The following VWC2 variants were observed in gnomAD, a reference collection of about 807,000 sequenced individuals.
The protein encoded by VWC2 is von Willebrand factor C domain containing 2.
In VWC2, 14 loss-of-function variants were observed where a neutral mutation model predicts 29.8. That is an observed-to-expected ratio of 0.47 (90% CI 0.31 to 0.74). The LOEUF is 0.74. Among genes scored for constraint, VWC2 ranks in the 30% least tolerant of loss-of-function variants. The pLI is 0.05. For missense variants in VWC2, 457 were observed against 459.8 expected (o/e 0.99, Z 0.05); for synonymous variants, 213 against 199.0 (o/e 1.07, Z -0.59).
rs118053187 is a variant in VWC2, at chr7:49,839,136, A to G, written c.826+36296A>G. On this transcript the variant is annotated intron_variant, in intron 3 of 3. Coordinates refer to ENST00000340652, the MANE Select transcript of VWC2 (RefSeq NM_198570.5). ...GCAGCTGTCTGTAAGCCAGGACAAG[A>G]GCCCGCACCAGACAAGAACCCACCT... Among the ~76,000 whole-genome samples, 7 of 152,284 alleles carry G rather than the reference A, an allele frequency of 4.6e-5. No individual in the cohort carries two copies. In the East Asian group the frequency reaches 1.4e-3, roughly 29 times the overall value.
chr7:49,789,030 G>A (rs1472162481), intron 2 of VWC2, among the ~76,000 whole-genome samples: 3 of 148,306 alleles, frequency 2.0e-5, no homozygotes, highest in Non-Finnish European at 4.4e-5. Context: ...GTGTGAGCGT[G>A]TGGGTGCATG....
intron 3 of VWC2, among the ~76,000 whole-genome samples, chr7:49,893,959 C>G (rs762758705): frequency 1.1e-4 from 16 of 152,200 alleles, no homozygotes; most frequent in Middle Eastern, 3.4e-3. Flanking sequence ...GATGCTGGAC[C>G]CTGCTGGGCT....
At chr7:49,855,921 T>C (rs934727095) in intron 3 of VWC2, among the ~76,000 whole-genome samples, 20 of 152,196 alleles carry the variant, frequency 1.3e-4, no homozygotes, top group African/African-American at 4.6e-4. Context: ...AAAACTGATG[T>C]TTCTTTCAGA....
intron 3 of VWC2, among the ~76,000 whole-genome samples, chr7:49,851,010 G>T (rs1037094597): frequency 2.0e-5 from 3 of 152,156 alleles, no homozygotes; most frequent in African/African-American, 7.2e-5. Context: ...TTACTCGTCC[G>T]CAATTCTGCA....
intron 2 of VWC2, among the ~76,000 whole-genome samples, chr7:49,788,744 G>C (rs1262664407): frequency 1.3e-5 from 2 of 149,260 alleles, no homozygotes; most frequent in Non-Finnish European, 3.0e-5. Flanking sequence ...GGATGTGTGT[G>C]TGGATGTGGG....
chr7:49,845,841 C>A (rs1554334391), intron 3 of VWC2, among the ~76,000 whole-genome samples: 1 of 152,160 alleles, frequency 6.6e-6, no homozygotes, highest in Non-Finnish European at 1.5e-5. Flanking sequence ...AACAGCAATG[C>A]AGGAAGGAAG....
In VWC2 at chr7:49,877,481, A is replaced by AAAAATATACATAT; in HGVS notation, c.827-34552_827-34551insAAATATACATATA. ...CTGTCTCAAAAAAAAAAAAAAAAAA[A>AAAAATATACATAT]ATATATATATATATATATATATATA... On this transcript the variant is annotated intron_variant, in intron 3 of 3. Coordinates refer to ENST00000340652, the MANE Select transcript of VWC2 (RefSeq NM_198570.5). Among the ~76,000 whole-genome samples, 88 of 12,728 alleles carry AAAAATATACATAT rather than the reference A, an allele frequency of 6.9e-3. 18 individuals carry two copies. The highest frequency in any genetic ancestry group is 9.8e-3 in the Admixed American group (7 of 714). The allele number at this position is 12,728 out of a possible 152,430, so 8.4% of individuals were successfully genotyped here. A position where few individuals can be genotyped will look rare whatever the true frequency, so the allele number is the denominator to read the frequency against.
intron 3 of VWC2, among the ~76,000 whole-genome samples, chr7:49,807,172 C>T (rs1788898591): frequency 6.6e-6 from 1 of 152,150 alleles, no homozygotes; most frequent in East Asian, 1.9e-4. Context: ...AGGGATATAT[C>T]ATGTTCATGA....
At chr7:49,909,073 C>T (rs1194479835) in intron 3 of VWC2, among the ~76,000 whole-genome samples, 1 of 151,950 alleles carries the variant, frequency 6.6e-6, no homozygotes, top group African/African-American at 2.4e-5. Flanking sequence ...CTCATGAGGC[C>T]CTGTGAGGTC....
chr7:49,818,729 T>C (rs533396777), intron 3 of VWC2, among the ~76,000 whole-genome samples: 2 of 150,914 alleles, frequency 1.3e-5, no homozygotes, highest in Non-Finnish European at 3.0e-5. Context: ...TAAAAATATA[T>C]ATATATGTAT....
Position 49,913,978 on chromosome 7 carries a change from T to G in VWC2, c.*1793T>G, listed in dbSNP as rs1425969306. 6.6e-6 allele frequency: 1 copy of G among 152,172 alleles called. No homozygotes were observed. The highest frequency in any genetic ancestry group is 1.5e-5 in the Non-Finnish European group (1 of 68,026). The allele number at this position is 152,172 out of a possible 1,614,324, so 9.4% of individuals were successfully genotyped here. A position where few individuals can be genotyped will look rare whatever the true frequency, so the allele number is the denominator to read the frequency against. On this transcript the variant is annotated 3_prime_UTR_variant, in exon 4 of 4. Coordinates refer to ENST00000340652, the MANE Select transcript of VWC2 (RefSeq NM_198570.5). ...CCAAAGGAACTACCAGTACATAGAT[T>G]TCATGAAAATACTCAGGGGAATTAT... is the stretch of plus-strand genomic sequence containing the variant.
chr7:49,785,726 A>C (rs1020696924), intron 2 of VWC2, among the ~76,000 whole-genome samples: 13 of 152,198 alleles, frequency 8.5e-5, no homozygotes, highest in African/African-American at 3.1e-4. Context: ...AATATTTTTA[A>C]ATAAGAGAGA....
At chr7:49,821,863 C>G (rs1789268087) in intron 3 of VWC2, among the ~76,000 whole-genome samples, 1 of 152,010 alleles carries the variant, frequency 6.6e-6, no homozygotes, top group African/African-American at 2.4e-5. Context: ...AGTACAAGTC[C>G]CCTTGAATTT....
chr7:49,830,972 T>C (rs915464645), intron 3 of VWC2, among the ~76,000 whole-genome samples: 1 of 152,222 alleles, frequency 6.6e-6, no homozygotes, highest in Non-Finnish European at 1.5e-5. Flanking sequence ...AGTGCCGCAC[T>C]ATTTCTTTCT....
chr7:49,875,851 T>C (rs1791393307), intron 3 of VWC2, among the ~76,000 whole-genome samples: 1 of 152,176 alleles, frequency 6.6e-6, no homozygotes, highest in African/African-American at 2.4e-5. Context: ...GCAGGCTCCA[T>C]GAGCAAGAGA....
intron 3 of VWC2, among the ~76,000 whole-genome samples, chr7:49,868,903 G>A (rs1486387644): frequency 6.6e-6 from 1 of 152,254 alleles, no homozygotes; most frequent in East Asian, 1.9e-4. Context: ...ACGGGCATGA[G>A]CCACTGCACC....
At chr7:49,790,211 A>G (rs940391433) in intron 2 of VWC2, among the ~76,000 whole-genome samples, 3 of 152,234 alleles carry the variant, frequency 2.0e-5, no homozygotes, top group South Asian at 4.1e-4. Context: ...GAGAGGATTT[A>G]AAAGATGTTA....
intron 3 of VWC2, among the ~76,000 whole-genome samples, chr7:49,836,336 A>G (rs1308530014): frequency 1.3e-5 from 2 of 152,014 alleles, no homozygotes; most frequent in African/African-American, 4.8e-5. Context: ...TAAAATCTAT[A>G]CTTAAGTGTG....
At chr7:49,847,856 G>C (rs1790007718) in intron 3 of VWC2, among the ~76,000 whole-genome samples, 1 of 152,142 alleles carries the variant, frequency 6.6e-6, no homozygotes, top group Non-Finnish European at 1.5e-5. Flanking sequence ...GAGGTCATGG[G>C]GATGTGAGCT....
Sources: gnomAD v4.1 joint callset for allele counts (sites outside exome capture counted in the v4.1 genomes callset) on GRCh38, gnomAD v4.1.1 for gene constraint, MANE v1.5 for transcripts, NCBI Gene and HGNC (gene_info 2026-07-23, HGNC 2026-07-21) for gene names.